Variants in TBK1 observed in about 807,000 individuals in gnomAD.
The protein encoded by TBK1 is TANK binding kinase 1.
A neutral mutation model predicts 99.9 loss-of-function variants in TBK1; 37 were observed. That is an observed-to-expected ratio of 0.37 (90% CI 0.28 to 0.49). TBK1 has a LOEUF of 0.49. TBK1 is among the 20% of genes least tolerant of loss of function. The pLI is 0.98. For synonymous variants in TBK1, 258 were observed against 279.8 expected, an observed-to-expected ratio of 0.92 and a Z score of 0.78; for missense variants, 644 against 872.5, an observed-to-expected ratio of 0.74 and a Z score of 3.30.
At chr12:64,499,641 T>C (rs1951581504) in intron 20 of TBK1, among the ~76,000 whole-genome samples, 1 of 149,660 alleles carries the variant, frequency 6.7e-6, no homozygotes, top group Non-Finnish European at 1.5e-5. Context: ...GAACTTTAGC[T>C]AAATCCTTTT....
intron 5 of TBK1, among the ~76,000 whole-genome samples, chr12:64,467,897 A>C (rs2040622820): frequency 6.6e-6 from 1 of 152,226 alleles, no homozygotes; most frequent in Admixed American, 6.5e-5. Context: ...CTTTTAGATA[A>C]GAGTACCTAA....
intron 20 of TBK1, among the ~76,000 whole-genome samples, chr12:64,500,965 G>C (rs924796985): frequency 6.6e-6 from 1 of 151,808 alleles, no homozygotes; most frequent in Non-Finnish European, 1.5e-5. Flanking sequence ...TGCCATATTG[G>C]CCAGGCCGGT....
intron 5 of TBK1, among the ~76,000 whole-genome samples, chr12:64,468,407 T>A (rs946346158): frequency 7.3e-5 from 11 of 151,628 alleles, no homozygotes; most frequent in African/African-American, 2.2e-4. Context: ...GGCAGAATTG[T>A]CTGAACCTGG....
chr12:64,470,956 C>G (rs545430415), intron 5 of TBK1, among the ~76,000 whole-genome samples: 20 of 152,254 alleles, frequency 1.3e-4, no homozygotes, highest in African/African-American at 4.3e-4. Context: ...TAACCCCATT[C>G]TATTTATTTC....
intron 2 of TBK1, among the ~76,000 whole-genome samples, chr12:64,458,067 CA>C (rs1247993566): frequency 6.7e-6 from 1 of 148,710 alleles, no homozygotes; most frequent in Non-Finnish European, 1.5e-5. Context: ...GGCAACATGG[CA>C]AAACCCTGTC....
intron 1 of TBK1, chr12:64,452,430 C>A (rs1041475941): frequency 6.6e-6 from 1 of 152,256 alleles, no homozygotes; most frequent in Admixed American, 6.5e-5. Flanking sequence ...GTGGAATGGT[C>A]GCGCGGGCCC....
At chr12:64,482,126 C>A in intron 8 of TBK1, 105 bp downstream of exon 8, 1 of 679,488 alleles carries the variant, frequency 1.5e-6, no homozygotes, top group South Asian at 5.6e-5. Flanking sequence ...CCAAAAGTAC[C>A]CATTTCCCAC....
intron 5 of TBK1, among the ~76,000 whole-genome samples, chr12:64,472,525 G>C (rs543696808): frequency 5.9e-5 from 9 of 152,322 alleles, no homozygotes; most frequent in African/African-American, 2.2e-4. Flanking sequence ...CATGAAGGCA[G>C]ATGGCAGGAG....
chr12:64,483,186 G>C (rs1555204215), intron 8 of TBK1, among the ~76,000 whole-genome samples: 1 of 151,666 alleles, frequency 6.6e-6, no homozygotes, highest in Non-Finnish European at 1.5e-5. Flanking sequence ...ATAAATGCTT[G>C]ACTGGATGGA....
chr12:64,462,323 T>C (rs1291930347), intron 3 of TBK1, among the ~76,000 whole-genome samples: 1 of 152,208 alleles, frequency 6.6e-6, no homozygotes, highest in East Asian at 1.9e-4. Flanking sequence ...AAAAGAGATA[T>C]TTACCAAAAT....
At chr12:64,498,084 G>A in intron 20 of TBK1, 45 bp downstream of exon 20, 1 of 1,492,342 alleles carries the variant, frequency 6.7e-7, no homozygotes, top group East Asian at 2.3e-5. Flanking sequence ...GTGCAATTGA[G>A]TTCATTCACA....
At chr12:64,464,306 A>T (rs769184102) in intron 3 of TBK1, 28 bp from the exon 4 acceptor site, 1 of 1,490,816 alleles carries the variant, frequency 6.7e-7, no homozygotes, top group Non-Finnish European at 8.9e-7. Context: ...TTTTATGTTG[A>T]TTCCCAATCA....
rs116034156 is a variant in TBK1, at chr12:64,453,063, C to T, written c.-32+876C>T. ...GGAAGTAGGCTGAAGACGGCATCAT[C>T]AGCAACATAGTTGTTGAGTGTCTGC... On this transcript the variant is annotated intron_variant, in intron 1 of 20. Transcript: ENST00000331710. 5.4e-3 allele frequency among the ~76,000 whole-genome samples: 818 copies of T among 152,320 alleles called. 10 individuals are homozygous for T. Among genetic ancestry groups the T allele is most frequent in the African/African-American group, 0.018 (745 of 41,562 alleles).
intron 2 of TBK1, 144 bp downstream of exon 2, chr12:64,456,101 GGCATA>G (rs2040484693): frequency 3.0e-6 from 2 of 656,280 alleles, no homozygotes. Context: ...GGTCATTTAA[GGCATA>G]GCTGTGTCAG....
intron 4 of TBK1, among the ~76,000 whole-genome samples, chr12:64,466,490 A>T (rs959748757): frequency 2.0e-5 from 3 of 151,778 alleles, no homozygotes; most frequent in Non-Finnish European, 2.9e-5. Context: ...CTTTTAGGGA[A>T]TTTTTTTTCC....
chr12:64,495,926 T>TAAAAAA, intron 15 of TBK1, 151 bp downstream of exon 15: 1 of 386,016 alleles, frequency 2.6e-6, no homozygotes, highest in Non-Finnish European at 4.5e-6. Context: ...TTGATTGTGT[T>TAAAAAA]AAAAAAAAAA....
intron 20 of TBK1, among the ~76,000 whole-genome samples, chr12:64,501,008 C>T (rs889115260): frequency 2.0e-5 from 3 of 152,118 alleles, no homozygotes; most frequent in African/African-American, 7.2e-5. Flanking sequence ...ATCTGCCTGC[C>T]TCGGCCTCCC....
At chr12:64,460,378 AAATAG>A (rs2040534438) in intron 3 of TBK1, 49 bp downstream of exon 3, 1 of 1,383,472 alleles carries the variant, frequency 7.2e-7, no homozygotes, top group African/African-American at 1.5e-5. Flanking sequence ...ACGAGTCAAG[AAATAG>A]AACCTAATAT....
Position 64,488,519 on chromosome 12 carries a change from T to A in TBK1, c.1373T>A (p.Val458Asp). Residue 458 changes from valine to aspartate, a missense_variant, in exon 12 of 21, where the codon GTT (valine) becomes GAT (aspartate). Val to Asp is a radical substitution (Grantham distance 152, BLOSUM62 -3). Coordinates refer to ENST00000331710, the MANE Select transcript of TBK1 (RefSeq NM_013254.4). The part of the protein sequence containing the change: ...ELIKDDYNET[V>D]HKKTEVVITL... ...ATTAAAGATGATTACAATGAAACTG[T>A]TCACAAAAAGACAGAAGTTGTGATC... 1 of 1,601,258 alleles carries A rather than the reference T, an allele frequency of 6.2e-7. No homozygotes were observed. The highest frequency in any genetic ancestry group is 1.7e-4 in the Middle Eastern group (1 of 5,964).
Sources: gnomAD v4.1 joint callset for allele counts (sites outside exome capture counted in the v4.1 genomes callset) on GRCh38, gnomAD v4.1.1 for gene constraint, MANE v1.5 for transcripts, NCBI Gene and HGNC (gene_info 2026-07-23, HGNC 2026-07-21) for gene names.